The following AP2A1 variants were observed in gnomAD, a reference collection of about 807,000 sequenced individuals.
AP2A1 encodes AP-2 complex subunit alpha-1.
AP2A1 carries 21 observed loss-of-function variants against 107.3 expected under a neutral mutation model. The observed-to-expected ratio is 0.20, with a 90% CI of 0.14 to 0.28. AP2A1 has a LOEUF of 0.28. Ranked by LOEUF, AP2A1 falls within the 10% of genes least tolerant of loss-of-function variation. The pLI, the probability that AP2A1 is intolerant of heterozygous loss-of-function variation, is 1.00. For missense variants in AP2A1, 873 were observed against 1,307.7 expected (o/e 0.67, Z 5.13); for synonymous variants, 602 against 564.8 (o/e 1.07, Z -0.93).
intron 1 of AP2A1, among the ~76,000 whole-genome samples, chr19:49,770,380 A>G (rs1167651234): frequency 6.6e-6 from 1 of 152,118 alleles, no homozygotes; most frequent in Non-Finnish European, 1.5e-5. Flanking sequence ...CGTATGTTGA[A>G]CGGCTGGTAT....
intron 3 of AP2A1, 138 bp from the exon 4 acceptor site, chr19:49,782,393 C>T: frequency 1.1e-6 from 1 of 950,356 alleles, no homozygotes; most frequent in East Asian, 2.8e-5. Context: ...ACTTGTGGGT[C>T]TGAGGGAGGA....
rs763501850 is a variant in AP2A1 at position 49,806,214 on chromosome 19, G to T, written c.2751G>T (p.Val917=). ...TCATCCAGACTAAAGCCCTGCAGGTGGGCTGTCTGCTTCGGCTGGAGCCCA... is the reference window on the plus strand; with the variant it reads ...TCATCCAGACTAAAGCCCTGCAGGTTGGCTGTCTGCTTCGGCTGGAGCCCA... ...AGIIQTKALQ[V]GCLLRLEPNA... The change falls in exon 22 of 23, where the codon GTG becomes GTT. Residue 917 remains valine, a synonymous_variant. Coordinates refer to ENST00000354293, the MANE Select transcript of AP2A1 (RefSeq NM_130787.3). 3.1e-6 allele frequency: 5 copies of T among 1,606,366 alleles called. No homozygotes were observed. The South Asian group carries it at 5.6e-5, about 18-fold the overall frequency.
chr19:49,783,427 G>C (rs186959364), intron 4 of AP2A1, among the ~76,000 whole-genome samples: 85 of 152,280 alleles, frequency 5.6e-4, no homozygotes, highest in African/African-American at 1.9e-3. Flanking sequence ...GGAGGCCTAG[G>C]CTGCAATGAG....
At position 49,767,038 on chromosome 19, in the gene AP2A1, G is replaced by A. The variant is rs2084509335; in HGVS notation, c.-96G>A. The A allele has an allele frequency of 2.3e-6, 3 of 1,332,812 alleles. No homozygotes were observed. Among genetic ancestry groups the A allele is most frequent in the Non-Finnish European group, 3.0e-6 (3 of 1,009,058 alleles). 82.6% of individuals were successfully genotyped at this position (1,332,812 alleles called of 1,614,324 possible). A position where few individuals can be genotyped will look rare whatever the true frequency, so the allele number is the denominator to read the frequency against. ...TCCCCGCGGCCGGCTCGGCTCCTTG[G>A]CGCTGCCTGGGGTCCTTTCCGCCCG... On this transcript the variant is annotated 5_prime_UTR_variant, in exon 1 of 23. Transcript: ENST00000354293.
chr19:49,789,583 G>A lies in AP2A1; in HGVS notation c.474-2352G>A, dbSNP rs565944864. Among the ~76,000 whole-genome samples the A allele has an allele frequency of 2.1e-5, 3 of 145,294 alleles. No homozygotes were observed. The South Asian group carries it at 6.8e-4, about 33-fold the overall frequency. ...TGGGATTATAGGTGTGAGCCACTGC[G>A]CCTGGCCTTTTTTTTTTTTTTTTTT... On this transcript the variant is annotated intron_variant, in intron 4 of 22. Coordinates refer to ENST00000354293, the MANE Select transcript of AP2A1 (RefSeq NM_130787.3).
At chr19:49,796,004 G>A (rs887040455) in intron 7 of AP2A1, 14 of 470,706 alleles carry the variant, frequency 3.0e-5, no homozygotes, top group Admixed American at 7.1e-5. Flanking sequence ...CCTGTTGCGA[G>A]GGACTGTTAA....
At position 49,805,511 on chromosome 19, in the gene AP2A1, G is replaced by C; in HGVS notation, c.2403G>C (p.Gln801His). 2 of 1,564,592 alleles carry C rather than the reference G, an allele frequency of 1.3e-6. No individual in the cohort carries two copies. The highest frequency in any genetic ancestry group is 1.7e-6 in the Non-Finnish European group (2 of 1,155,730). ...AGGTGGACGGCGGCGCGCAGGTGCAGCAGGTGCTCAATATCGAGTGCCTGC... is the reference window on the plus strand; with the variant it reads ...AGGTGGACGGCGGCGCGCAGGTGCACCAGGTGCTCAATATCGAGTGCCTGC... ...AAQVDGGAQV[Q>H]QVLNIECLRD... The change falls in exon 19 of 23, where the codon CAG becomes CAC. Residue 801 changes from glutamine to histidine, a missense_variant. This residue lies in a region of AP2A1 where 416 missense variants were observed against 473.4 expected (regional missense o/e 0.88). Coordinates refer to ENST00000354293, the MANE Select transcript of AP2A1 (RefSeq NM_130787.3).
intron 21 of AP2A1, 32 bp downstream of exon 21, chr19:49,805,973 T>C: frequency 6.2e-7 from 1 of 1,613,460 alleles, no homozygotes; most frequent in Non-Finnish European, 8.5e-7. Context: ...TGCCGGCCTA[T>C]GGCTGCTTTG....
chr19:49,795,591 A>ACC, intron 6 of AP2A1, 39 bp from the exon 7 acceptor site: 3 of 295,770 alleles, frequency 1.0e-5, no homozygotes, highest in Non-Finnish European at 1.9e-5. Context: ...TGCCCCTCCC[A>ACC]CCCCAGCCCC....
chr19:49,789,510 CA>C (rs1396442520), intron 4 of AP2A1, among the ~76,000 whole-genome samples: 2 of 151,666 alleles, frequency 1.3e-5, no homozygotes, highest in Admixed American at 6.6e-5. Context: ...AGGCTGGTCT[CA>C]AACTCCTGAC....
intron 21 of AP2A1, 69 bp downstream of exon 21, chr19:49,806,010 T>C (rs1600251056): frequency 6.2e-7 from 1 of 1,612,524 alleles, no homozygotes; most frequent in African/African-American, 1.3e-5. Context: ...TTTTCCCATC[T>C]GTAAAGTGGG....
Position 49,806,217 on chromosome 19 carries a change from C to G in AP2A1, c.2754C>G (p.Gly918=). ...TCCAGACTAAAGCCCTGCAGGTGGG[C>G]TGTCTGCTTCGGCTGGAGCCCAATG... ...GIIQTKALQV[G]CLLRLEPNAQ... is the part of the protein sequence containing the mutation. The change falls in exon 22 of 23, where the codon GGC becomes GGG. Residue 918 remains glycine, a synonymous_variant. Coordinates refer to ENST00000354293, the MANE Select transcript of AP2A1 (RefSeq NM_130787.3). The G allele has an allele frequency of 6.2e-7, 1 of 1,606,876 alleles. No homozygotes were observed. The highest frequency in any genetic ancestry group is 8.5e-7 in the Non-Finnish European group (1 of 1,177,088).
At chr19:49,782,809 C>T in intron 4 of AP2A1, 85 bp downstream of exon 4, 7 of 1,427,246 alleles carry the variant, frequency 4.9e-6, no homozygotes, top group Non-Finnish European at 5.6e-6. Flanking sequence ...GGCTCTGTTG[C>T]CTGCCCAAGG....
Position 49,805,363 on chromosome 19 carries a change from G to GCGGGAGCTGC in AP2A1, c.2345-81_2345-72dup, listed in dbSNP as rs1326877775. 9.3e-6 allele frequency: 13 copies of GCGGGAGCTGC among 1,397,080 alleles called. No individual in the cohort carries two copies. The Admixed American group carries it at 1.1e-4, about 12-fold the overall frequency. The allele number at this position is 1,397,080 out of a possible 1,614,324, so 86.5% of individuals were successfully genotyped here. The stretch of plus-strand genomic sequence containing the variant: ...CATGGGGTCCCTCAAAGACCTGCAG[G>GCGGGAGCTGC]CGGGAGCTGCCGGGAGCTCTGGGGT... On this transcript the variant is annotated intron_variant, in intron 18 of 22. Transcript: ENST00000354293.
intron 1 of AP2A1, among the ~76,000 whole-genome samples, chr19:49,779,844 G>A (rs1446011088): frequency 6.6e-6 from 1 of 152,230 alleles, no homozygotes; most frequent in East Asian, 1.9e-4. Flanking sequence ...GGAGCCACTG[G>A]CTGGCAACTG....
In AP2A1 at chr19:49,803,279, T is replaced by A. The variant is rs2123759787; in HGVS notation, c.2255-8T>A. 2 of 1,613,860 alleles carry A rather than the reference T, an allele frequency of 1.2e-6. No homozygotes were observed. The highest frequency in any genetic ancestry group is 1.7e-6 in the Non-Finnish European group (2 of 1,179,832). The stretch of plus-strand genomic sequence containing the variant: ...CAGATGGAGCTCTGCCTCCCCCACC[T>A]ACTGCAGGCCGCATGTATCTCTTCT... On this transcript the variant is annotated splice_polypyrimidine_tract_variant and splice_region_variant and intron_variant, in intron 17 of 22. Coordinates refer to ENST00000354293, the MANE Select transcript of AP2A1 (RefSeq NM_130787.3).
chr19:49,799,819 TG>T, intron 10 of AP2A1, 53 bp downstream of exon 10: 6 of 1,585,212 alleles, frequency 3.8e-6, no homozygotes, highest in Non-Finnish European at 5.1e-6. Context: ...AGGAGGTGGC[TG>T]GGGGCCTGGA....
chr19:49,773,871 G>C (rs1336401153), intron 1 of AP2A1, among the ~76,000 whole-genome samples: 1 of 152,220 alleles, frequency 6.6e-6, no homozygotes, highest in Admixed American at 6.5e-5. Flanking sequence ...TGTGCTTGTA[G>C]TGGAGCAGGG....
intron 1 of AP2A1, among the ~76,000 whole-genome samples, chr19:49,769,210 C>T (rs1444898316): frequency 6.6e-6 from 1 of 152,114 alleles, no homozygotes; most frequent in Admixed American, 6.6e-5. Flanking sequence ...AGATTCACAC[C>T]ATTGCACTCC....
Sources: gnomAD v4.1 joint callset for allele counts (sites outside exome capture counted in the v4.1 genomes callset) on GRCh38, gnomAD v4.1.1 for gene constraint, gnomAD v4.1.1 regional missense constraint, MANE v1.5 for transcripts, NCBI Gene and HGNC (gene_info 2026-07-23, HGNC 2026-07-21) for gene names.